Variants in SH3GL3 observed in about 807,000 individuals in gnomAD.
SH3GL3 encodes endophilin-A3.
SH3GL3 carries 33 observed loss-of-function variants against 47.7 expected under a neutral mutation model. The observed-to-expected ratio is 0.69, with a 90% CI of 0.52 to 0.92. The LOEUF (loss-of-function observed/expected upper bound fraction) is 0.92, where lower values mean the gene tolerates loss of function less well. Among genes scored for constraint, SH3GL3 ranks in the 40% least tolerant of loss-of-function variants. SH3GL3 has a pLI of 0.00. For missense variants in SH3GL3, 363 were observed against 417.8 expected (o/e 0.87, Z 1.14); for synonymous variants, 155 against 148.8 (o/e 1.04, Z -0.30).
chr15:83,461,051 T>C (rs1007963024), intron 1 of SH3GL3, among the ~76,000 whole-genome samples: 6 of 151,624 alleles, frequency 4.0e-5, no homozygotes, highest in Non-Finnish European at 2.9e-5. Context: ...CCACTGCACT[T>C]CAGCCTGGGC....
chr15:83,588,935 G>A (rs911740291), intron 8 of SH3GL3, among the ~76,000 whole-genome samples, 164 bp downstream of exon 8: 5 of 152,004 alleles, frequency 3.3e-5, no homozygotes, highest in African/African-American at 9.7e-5. Flanking sequence ...CCTTTTTTCT[G>A]TTCCCTGGGG....
rs75308313 is a variant in SH3GL3 at position 83,576,138 on chromosome 15, A to T, written c.466-445A>T. Among the ~76,000 whole-genome samples the T allele has an allele frequency of 4.5e-4, 69 of 152,176 alleles. 2 individuals are homozygous for T. In the East Asian group the frequency reaches 0.013, roughly 29 times the overall value. Reference sequence around the variant, plus strand: ...CGGAGATCCGTTAATATTCTAAGGGATTGTAGAAGTTTGTGATTTTATAGT... The same window carrying T: ...CGGAGATCCGTTAATATTCTAAGGGTTTGTAGAAGTTTGTGATTTTATAGT... On this transcript the variant is annotated intron_variant, in intron 5 of 8. Transcript: ENST00000427482.
In SH3GL3 at chr15:83,587,028, G is replaced by T. The variant is rs2151803763; in HGVS notation, c.670G>T (p.Asp224Tyr). 1 of 1,611,086 alleles carries T rather than the reference G, an allele frequency of 6.2e-7. No individual in the cohort carries two copies. The highest frequency in any genetic ancestry group is 2.2e-5 in the East Asian group (1 of 44,680). Residue 224 changes from aspartate to tyrosine, a missense_variant, in exon 7 of 9, where the codon GAC becomes TAC. Coordinates refer to ENST00000427482, the MANE Select transcript of SH3GL3 (RefSeq NM_003027.5). The stretch of plus-strand genomic sequence containing the variant: ...GGCTGTGTTCATAGAGGCAGCATTA[G>T]ACTATCACAGACAGTCCACAGAGAT... ...QLAVFIEAAL[D>Y]YHRQSTEILQ...
chr15:83,581,566 TC>T (rs2059828655), intron 6 of SH3GL3, among the ~76,000 whole-genome samples: 1 of 152,118 alleles, frequency 6.6e-6, no homozygotes, highest in African/African-American at 2.4e-5. Context: ...TCTTGAGAAA[TC>T]CGGAGCCCAG....
At chr15:83,555,061 C>T (rs528128214) in intron 1 of SH3GL3, among the ~76,000 whole-genome samples, 1 of 151,878 alleles carries the variant, frequency 6.6e-6, no homozygotes, top group East Asian at 1.9e-4. Context: ...CTTAAAAAAA[C>T]TCTTCATCTC....
chr15:83,588,261 G>C (rs2060003395), intron 7 of SH3GL3, among the ~76,000 whole-genome samples: 1 of 152,058 alleles, frequency 6.6e-6, no homozygotes, highest in South Asian at 2.1e-4. Flanking sequence ...CTCCCGAGTA[G>C]CTGGGATTAC....
At chr15:83,505,523 C>CTTTTTTTT in intron 1 of SH3GL3, among the ~76,000 whole-genome samples, 1 of 92,036 alleles carries the variant, frequency 1.1e-5, no homozygotes, top group Non-Finnish European at 2.1e-5. Context: ...CTTGAATTTC[C>CTTTTTTTT]TTTTTTTTTT....
intron 8 of SH3GL3, among the ~76,000 whole-genome samples, chr15:83,597,785 T>C (rs1054208139): frequency 6.6e-6 from 1 of 152,082 alleles, no homozygotes; most frequent in Non-Finnish European, 1.5e-5. Flanking sequence ...AATTTTTGTA[T>C]TTTTAGTAGA....
At chr15:83,625,670 T>C in the SH3GL3 span, among the ~76,000 whole-genome samples, 1 of 152,242 alleles carries the variant, frequency 6.6e-6, no homozygotes, top group Non-Finnish European at 1.5e-5. Flanking sequence ...TCTACTGTTA[T>C]TTTTTATTTT....
intron 1 of SH3GL3, among the ~76,000 whole-genome samples, chr15:83,457,046 A>T (rs2040024619): frequency 6.6e-6 from 1 of 152,222 alleles, no homozygotes. Flanking sequence ...GTTACCACTC[A>T]CTGATTTGTA....
At chr15:83,585,760 G>A (rs748450182) in intron 6 of SH3GL3, among the ~76,000 whole-genome samples, 22 of 152,162 alleles carry the variant, frequency 1.4e-4, no homozygotes, top group Non-Finnish European at 2.2e-4. Context: ...AATGAAACCC[G>A]ACAGGATTTC....
intron 8 of SH3GL3, among the ~76,000 whole-genome samples, chr15:83,595,117 G>A (rs2060206071): frequency 6.6e-6 from 1 of 152,172 alleles, no homozygotes; most frequent in Admixed American, 6.5e-5. Context: ...CCCATCGGTG[G>A]CAGACTGGAT....
chr15:83,502,275 G>A (rs2042328894), intron 1 of SH3GL3, among the ~76,000 whole-genome samples: 1 of 152,244 alleles, frequency 6.6e-6, no homozygotes, highest in African/African-American at 2.4e-5. Flanking sequence ...GGTTTGCCGA[G>A]TTGGTGATCA....
chr15:83,602,251 A>C (rs1385299757), intron 8 of SH3GL3, among the ~76,000 whole-genome samples: 1 of 152,234 alleles, frequency 6.6e-6, no homozygotes, highest in Non-Finnish European at 1.5e-5. Flanking sequence ...ACCTAGTAGC[A>C]AAGCAACTTG....
At chr15:83,476,948 C>T (rs1387363352) in intron 1 of SH3GL3, among the ~76,000 whole-genome samples, 1 of 152,176 alleles carries the variant, frequency 6.6e-6, no homozygotes, top group East Asian at 1.9e-4. Context: ...GGAGGATCCC[C>T]AATGCTCAAC....
chr15:83,481,630 G>A (rs2041362760), intron 1 of SH3GL3, among the ~76,000 whole-genome samples: 1 of 152,210 alleles, frequency 6.6e-6, no homozygotes, highest in Admixed American at 6.5e-5. Context: ...ATCTGAAAGA[G>A]CACAGTGGTG....
chr15:83,481,082 G>C (rs1225611290), intron 1 of SH3GL3, among the ~76,000 whole-genome samples: 6 of 152,004 alleles, frequency 3.9e-5, no homozygotes, highest in African/African-American at 1.2e-4. Flanking sequence ...TCGAGACCAG[G>C]CTGGCCAACA....
chr15:83,623,793 CT>C, the SH3GL3 span, among the ~76,000 whole-genome samples: 3 of 151,362 alleles, frequency 2.0e-5, no homozygotes, highest in African/African-American at 4.9e-5. Flanking sequence ...AACAAATAGG[CT>C]TTTTTTTTGA....
chr15:83,512,010 T>C (rs1381169880), intron 1 of SH3GL3, among the ~76,000 whole-genome samples: 2 of 152,140 alleles, frequency 1.3e-5, no homozygotes, highest in Admixed American at 1.3e-4. Context: ...ATGTCAGCAC[T>C]ATAAACTCAC....
Sources: gnomAD v4.1 joint callset for allele counts (sites outside exome capture counted in the v4.1 genomes callset) on GRCh38, gnomAD v4.1.1 for gene constraint, MANE v1.5 for transcripts, NCBI Gene and HGNC (gene_info 2026-07-23, HGNC 2026-07-21) for gene names.